METTL9: variants seen among roughly 807,000 people sequenced by gnomAD.
The protein encoded by METTL9 is methyltransferase 9, His-X-His N1(pi)-histidine, also known as protein-L-histidine N-pros-methyltransferase.
In METTL9, 10 loss-of-function variants were observed where a neutral mutation model predicts 36.0. That is an observed-to-expected ratio of 0.28 (90% CI 0.17 to 0.47). The LOEUF (loss-of-function observed/expected upper bound fraction) is 0.47, where lower values mean the gene tolerates loss of function less well. METTL9 is among the 20% of genes least tolerant of loss of function. The pLI is 0.99. For synonymous variants in METTL9, 175 were observed against 149.7 expected, an observed-to-expected ratio of 1.17 and a Z score of -1.23; for missense variants, 246 against 383.5, an observed-to-expected ratio of 0.64 and a Z score of 3.00.
At chr16:21,650,422 C>A (rs771796824) in intron 4 of METTL9, among the ~76,000 whole-genome samples, 7 of 149,614 alleles carry the variant, frequency 4.7e-5, no homozygotes, top group African/African-American at 1.7e-4. Flanking sequence ...GCAGGAGAAT[C>A]GCTTGAACGT....
chr16:21,612,571 T>C (rs1965449758), intron 1 of METTL9, 74 bp from the exon 2 acceptor site: 9 of 1,367,300 alleles, frequency 6.6e-6, no homozygotes, highest in Non-Finnish European at 8.6e-6. Flanking sequence ...TTCTGGTTTT[T>C]TGTTTTTGGA....
intron 4 of METTL9, among the ~76,000 whole-genome samples, chr16:21,627,809 C>T (rs1431769594): frequency 2.6e-5 from 4 of 151,952 alleles, no homozygotes; most frequent in East Asian, 3.9e-4. Context: ...CAAAATTAGC[C>T]GGGTGTGGTG....
chr16:21,604,568 A>G (rs927577379), intron 1 of METTL9, among the ~76,000 whole-genome samples: 2 of 152,144 alleles, frequency 1.3e-5, no homozygotes, highest in Admixed American at 1.3e-4. Flanking sequence ...GAAATCTCAC[A>G]TAAAGAGGTT....
At chr16:21,652,292 C>T in intron 4 of METTL9, 1 of 384,950 alleles carries the variant, frequency 2.6e-6, no homozygotes, top group Non-Finnish European at 4.6e-6. Context: ...ACCCTTTGGT[C>T]AGATTGTCTC....
intron 4 of METTL9, chr16:21,641,414 G>T (rs1966264201): frequency 2.0e-6 from 1 of 490,536 alleles, no homozygotes; most frequent in South Asian, 4.2e-5. Context: ...CTTCTTTGTA[G>T]CCAGTTGTCT....
At chr16:21,629,136 C>A (rs951615352) in intron 4 of METTL9, among the ~76,000 whole-genome samples, 1 of 151,926 alleles carries the variant, frequency 6.6e-6, no homozygotes, top group African/African-American at 2.4e-5. Flanking sequence ...TCAAGTGATG[C>A]CCCCTCAGTC....
chr16:21,640,044 TCTC>T lies in METTL9; in HGVS notation c.751+14932_751+14934del, dbSNP rs771476404. The T allele has an allele frequency of 8.5e-5, 13 of 152,168 alleles. No homozygotes were observed. In the East Asian group the frequency reaches 2.1e-3, roughly 25 times the overall value. 9.4% of individuals were successfully genotyped at this position (152,168 alleles called of 1,614,324 possible). A position where few individuals can be genotyped will look rare whatever the true frequency, so the allele number is the denominator to read the frequency against. On this transcript the variant is annotated intron_variant, in intron 4 of 4. Transcript: ENST00000358154. ...ACCTCCGCATCCTGGGTTCAAGTGATCTCCTGCCTCAGCCTCCCAAATAGCTGG... is the reference window on the plus strand; with the variant it reads ...ACCTCCGCATCCTGGGTTCAAGTGATCTGCCTCAGCCTCCCAAATAGCTGG...
At chr16:21,645,320 G>A (rs528247158) in intron 4 of METTL9, among the ~76,000 whole-genome samples, 6 of 152,132 alleles carry the variant, frequency 3.9e-5, no homozygotes, top group Non-Finnish European at 5.9e-5. Flanking sequence ...GGGCGTGGTC[G>A]CACATGCCTG....
chr16:21,634,128 A>G (rs965555226), intron 4 of METTL9, among the ~76,000 whole-genome samples: 1 of 152,198 alleles, frequency 6.6e-6, no homozygotes, highest in Admixed American at 6.5e-5. Context: ...ACCTGGTTAC[A>G]GGCTGTCCCA....
chr16:21,636,755 A>G (rs1370786174), intron 4 of METTL9, among the ~76,000 whole-genome samples: 2 of 152,104 alleles, frequency 1.3e-5, no homozygotes, highest in Non-Finnish European at 2.9e-5. Context: ...AAAGCCTGAC[A>G]CCCATGTCTT....
chr16:21,631,240 G>A (rs1965953199), intron 4 of METTL9, among the ~76,000 whole-genome samples: 1 of 152,186 alleles, frequency 6.6e-6, no homozygotes, highest in Non-Finnish European at 1.5e-5. Flanking sequence ...GCTCTGTGCT[G>A]ACGGACTTGA....
chr16:21,651,357 C>A (rs1258863352), intron 4 of METTL9, among the ~76,000 whole-genome samples: 1 of 152,168 alleles, frequency 6.6e-6, no homozygotes, highest in Non-Finnish European at 1.5e-5. Context: ...TGCAGTGGCA[C>A]AATCACAGCT....
upstream of METTL9, chr16:21,599,563 C>A: frequency 7.8e-7 from 1 of 1,283,770 alleles, no homozygotes. The surrounding 1 kb of genome is among the most constrained non-coding windows in gnomAD (Gnocchi z 4.4). Context: ...GCCGAGGCTG[C>A]GCGCCGGCTG....
chr16:21,651,121 G>A (rs1003762079), intron 4 of METTL9, among the ~76,000 whole-genome samples: 5 of 152,134 alleles, frequency 3.3e-5, no homozygotes, highest in African/African-American at 1.2e-4. Context: ...TACTCGGGAG[G>A]CTGAGGCAGG....
chr16:21,616,166 A>G (rs1965551239), intron 2 of METTL9, among the ~76,000 whole-genome samples: 1 of 152,134 alleles, frequency 6.6e-6, no homozygotes, highest in African/African-American at 2.4e-5. Context: ...GTACCTTATG[A>G]TTGTTTCCAG....
upstream of METTL9, among the ~76,000 whole-genome samples, chr16:21,597,729 T>C (rs1192479493): frequency 6.6e-6 from 1 of 152,206 alleles, no homozygotes; most frequent in Non-Finnish European, 1.5e-5. Flanking sequence ...CTTCCTTTTG[T>C]GACAGAGTTG....
Position 21,599,616 on chromosome 16 carries a change from G to T in METTL9, c.-118G>T. On this transcript the variant is annotated 5_prime_UTR_variant, in exon 1 of 5. Coordinates refer to ENST00000358154, the MANE Select transcript of METTL9 (RefSeq NM_016025.5). This position sits in a 1 kb window ranked among gnomAD's most constrained non-coding sequence, Gnocchi z 4.4. ...CCTTTGCCCTGAAGGGGGCTGGATG[G>T]GCAAGGCGGCCGCGATGGCTCGAGC... The T allele has an allele frequency of 7.5e-7, 1 of 1,332,684 alleles. No individual in the cohort carries two copies. The highest frequency in any genetic ancestry group is 1.9e-5 in the South Asian group (1 of 51,628). 82.6% of individuals were successfully genotyped at this position (1,332,684 alleles called of 1,614,324 possible).
In METTL9 at chr16:21,627,163, A is replaced by G. The variant is rs529078846; in HGVS notation, c.751+2048A>G. On this transcript the variant is annotated intron_variant, in intron 4 of 4. Transcript: ENST00000358154. Reference sequence around the variant, plus strand: ...TATTATTGCTTTCTTTCTCTGAGTCACTAATTAGATCCTGATGATTTCCAT... The same window carrying G: ...TATTATTGCTTTCTTTCTCTGAGTCGCTAATTAGATCCTGATGATTTCCAT... 42 of 985,370 alleles carry G rather than the reference A, an allele frequency of 4.3e-5. No individual in the cohort carries two copies. The South Asian group carries it at 1.7e-3, about 40-fold the overall frequency. The allele number at this position is 985,370 out of a possible 1,614,324, so 61.0% of individuals were successfully genotyped here.
chr16:21,617,727 T>TAAA, intron 2 of METTL9, 138 bp from the exon 3 acceptor site: 7 of 643,890 alleles, frequency 1.1e-5, no homozygotes, highest in East Asian at 6.3e-5. Flanking sequence ...AGACCTTGTC[T>TAAA]AAAAAAAAAA....
Sources: gnomAD v4.1 joint callset for allele counts (sites outside exome capture counted in the v4.1 genomes callset) on GRCh38, gnomAD v4.1.1 for gene constraint, Gnocchi (gnomAD v3.1) non-coding constraint, MANE v1.5 for transcripts, NCBI Gene and HGNC (gene_info 2026-07-23, HGNC 2026-07-21) for gene names.